Variants in ARK2C observed in about 807,000 individuals in gnomAD.
ARK2C encodes the protein E3 ubiquitin-protein ligase ARK2C.
chr18:46,410,822 A>T, the ARK2C span, among the ~76,000 whole-genome samples: 1 of 152,236 alleles, frequency 6.6e-6, no homozygotes, highest in Admixed American at 6.5e-5. Context: ...TCAATTGTCC[A>T]GGCTCATGAA....
chr18:46,423,195 A>G, the ARK2C span, among the ~76,000 whole-genome samples: 1 of 152,140 alleles, frequency 6.6e-6, no homozygotes, highest in Non-Finnish European at 1.5e-5. Context: ...TTGTCTTGCT[A>G]CAGAAGCACC....
the ARK2C span, among the ~76,000 whole-genome samples, chr18:46,365,522 G>A: frequency 1.3e-5 from 2 of 151,986 alleles, no homozygotes; most frequent in Non-Finnish European, 2.9e-5. Context: ...TTTTGTTTTT[G>A]AGACCAAGGC....
chr18:46,393,689 G>T, the ARK2C span, among the ~76,000 whole-genome samples: 49 of 152,200 alleles, frequency 3.2e-4, no homozygotes, highest in Admixed American at 6.5e-4. Context: ...CTTCCACCCA[G>T]GGAAGTCATT....
At chr18:46,388,463 C>T in the ARK2C span, among the ~76,000 whole-genome samples, 13 of 152,320 alleles carry the variant, frequency 8.5e-5, no homozygotes, top group Admixed American at 7.8e-4. Flanking sequence ...TCCTGAAACA[C>T]ATGTTGGGAC....
chr18:46,377,865 T>C, the ARK2C span, among the ~76,000 whole-genome samples: 9 of 152,106 alleles, frequency 5.9e-5, no homozygotes, highest in African/African-American at 2.2e-4. Context: ...CAGGTAACCA[T>C]GTCTAGAGCA....
At chr18:46,340,449 G>A in the ARK2C span, among the ~76,000 whole-genome samples, 3 of 151,636 alleles carry the variant, frequency 2.0e-5, no homozygotes, top group Non-Finnish European at 3.0e-5. Flanking sequence ...CAAACACTGC[G>A]CTAAGGGGGA....
chr18:46,403,078 T>C, the ARK2C span, among the ~76,000 whole-genome samples: 3 of 152,230 alleles, frequency 2.0e-5, no homozygotes, highest in Non-Finnish European at 4.4e-5. Context: ...CCTCCAGCCC[T>C]TAGGCAGCCC....
chr18:46,404,919 A>G, the ARK2C span, among the ~76,000 whole-genome samples: 2 of 152,132 alleles, frequency 1.3e-5, no homozygotes, highest in African/African-American at 2.4e-5. Context: ...TGAGGTGCTC[A>G]AGGTCACACA....
the ARK2C span, among the ~76,000 whole-genome samples, chr18:46,370,403 C>T: frequency 1.3e-5 from 2 of 152,126 alleles, no homozygotes; most frequent in Non-Finnish European, 2.9e-5. Context: ...TGTCTTCAAC[C>T]AATTCTTTAC....
the ARK2C span, chr18:46,334,671 CGTGTGTGTGTGTGTGTGT>C: frequency 6.2e-4 from 189 of 304,720 alleles, no homozygotes; most frequent in Non-Finnish European, 9.3e-4. This position sits in a 1 kb window ranked among gnomAD's most constrained non-coding sequence, Gnocchi z 4.4. Flanking sequence ...GATACATGAC[CGTGTGTGTGTGTGTGTGT>C]GTGTGTGTGT....
chr18:46,439,696 T>G, the ARK2C span, among the ~76,000 whole-genome samples: 8 of 69,030 alleles, frequency 1.2e-4, no homozygotes, highest in African/African-American at 5.2e-4. Context: ...ATAGATAAAC[T>G]TTTTTATTAA....
the ARK2C span, among the ~76,000 whole-genome samples, chr18:46,370,660 G>A: frequency 1.3e-5 from 2 of 152,180 alleles, no homozygotes; most frequent in African/African-American, 4.8e-5. Context: ...AATGCCCCAT[G>A]CCAGGTGCTA....
chr18:46,399,304 G>A, the ARK2C span, among the ~76,000 whole-genome samples: 12 of 152,310 alleles, frequency 7.9e-5, no homozygotes, highest in East Asian at 1.9e-4. Context: ...AAGCTTGGAC[G>A]TGGGCTGCGC....
the ARK2C span, among the ~76,000 whole-genome samples, chr18:46,379,279 C>T: frequency 1.3e-5 from 2 of 152,182 alleles, no homozygotes; most frequent in African/African-American, 2.4e-5. Flanking sequence ...GCTTATTGAC[C>T]GTACTTGTCT....
At chr18:46,394,489 G>A in the ARK2C span, among the ~76,000 whole-genome samples, 7 of 152,112 alleles carry the variant, frequency 4.6e-5, no homozygotes, top group Admixed American at 4.6e-4. Context: ...TGTGGGTCAC[G>A]AGTCTCCATC....
chr18:46,404,496 G>C, the ARK2C span, among the ~76,000 whole-genome samples: 1 of 152,172 alleles, frequency 6.6e-6, no homozygotes, highest in African/African-American at 2.4e-5. Flanking sequence ...GCTCACACCT[G>C]TAATCCCAGC....
the ARK2C span, chr18:46,461,618 G>T: frequency 7.2e-6 from 1 of 138,342 alleles, no homozygotes; most frequent in Non-Finnish European, 1.5e-5. Context: ...CTGCACTCTA[G>T]CCTGGGTGAT....
At chr18:46,369,656 T>A in the ARK2C span, among the ~76,000 whole-genome samples, 3 of 152,218 alleles carry the variant, frequency 2.0e-5, no homozygotes, top group Non-Finnish European at 4.4e-5. Flanking sequence ...GGGGGCACTT[T>A]TCTAGCCTAT....
At chr18:46,424,034 G>A in the ARK2C span, among the ~76,000 whole-genome samples, 2 of 152,088 alleles carry the variant, frequency 1.3e-5, no homozygotes, top group South Asian at 4.1e-4. Context: ...TTACTGCATG[G>A]TACCTCCTCC....
Sources: allele counts gnomAD v4.1 joint callset (sites outside exome capture counted in the v4.1 genomes callset), GRCh38; gene constraint gnomAD v4.1.1; non-coding constraint Gnocchi (gnomAD v3.1); transcripts MANE v1.5; gene names NCBI Gene and HGNC (gene_info 2026-07-23, HGNC 2026-07-21).